Variants in SEPTIN11 observed in about 807,000 individuals in gnomAD.
SEPTIN11 encodes the protein septin 11, also known as septin-11.
A neutral mutation model predicts 51.4 loss-of-function variants in SEPTIN11; 25 were observed. The ratio of observed to expected loss-of-function variants is 0.49; its 90% CI spans 0.35 to 0.68. SEPTIN11 has a LOEUF of 0.68. Among genes scored for constraint, SEPTIN11 ranks in the 30% least tolerant of loss-of-function variants. The probability of loss-of-function intolerance (pLI) is 0.00; values close to 1 mark genes in which losing one functional copy is unlikely to be tolerated. For synonymous variants in SEPTIN11, 174 were observed against 184.1 expected (o/e 0.95, Z 0.44); for missense variants, 381 against 520.8 (o/e 0.73, Z 2.61).
chr4:77,019,504 G>A (rs1578193498), intron 6 of SEPTIN11, among the ~76,000 whole-genome samples: 1 of 152,202 alleles, frequency 6.6e-6, no homozygotes, highest in African/African-American at 2.4e-5. Flanking sequence ...ATGCTGGGTT[G>A]TGTAGGGAAT....
chr4:77,017,744 A>C (rs780357486), intron 5 of SEPTIN11, among the ~76,000 whole-genome samples: 1 of 152,264 alleles, frequency 6.6e-6, no homozygotes, highest in Non-Finnish European at 1.5e-5. Context: ...ACTCTAAATA[A>C]TAATTCTTGG....
chr4:77,004,954 C>T (rs1382510483), intron 2 of SEPTIN11, among the ~76,000 whole-genome samples: 2 of 152,212 alleles, frequency 1.3e-5, no homozygotes, highest in East Asian at 3.9e-4. Context: ...CAGAGCGAGA[C>T]TCTGTCTCAA....
rs138185628 is a variant in SEPTIN11 at position 77,014,538 on chromosome 4, G to T, written c.526-318G>T. On this transcript the variant is annotated intron_variant, in intron 4 of 9. Transcript: ENST00000264893. The stretch of plus-strand genomic sequence containing the variant: ...GGTAGCATAGGAGAGGAAATTACAA[G>T]TATACTTTCAGTGCAGGATGGGAGG... 2.4e-3 allele frequency among the ~76,000 whole-genome samples: 358 copies of T among 152,196 alleles called. 1 individual carries two copies. The highest frequency in any genetic ancestry group is 8.2e-3 in the African/African-American group (341 of 41,526).
At chr4:77,020,866 A>G (rs1725670026) in intron 7 of SEPTIN11, 196 bp downstream of exon 7, 2 of 564,510 alleles carry the variant, frequency 3.5e-6, no homozygotes, top group African/African-American at 1.9e-5. Context: ...AGTTGATGTC[A>G]TTATTATCCA....
chr4:77,019,655 C>A (rs549793672), intron 6 of SEPTIN11, among the ~76,000 whole-genome samples: 53 of 152,334 alleles, frequency 3.5e-4, no homozygotes, highest in Admixed American at 9.1e-4. Context: ...AAAATGTCTT[C>A]TAATAAAATG....
intron 3 of SEPTIN11, among the ~76,000 whole-genome samples, chr4:77,009,474 T>C (rs1043644918): frequency 3.9e-5 from 6 of 152,300 alleles, no homozygotes; most frequent in Admixed American, 3.9e-4. Context: ...TATGATTTTC[T>C]AGAGGGAATA....
rs1431628133 is a variant in SEPTIN11 at position 76,968,166 on chromosome 4, C to T, written c.27+18236C>T. 4.6e-5 allele frequency among the ~76,000 whole-genome samples: 7 copies of T among 152,150 alleles called. No homozygotes were observed. The East Asian group carries it at 7.7e-4, about 17-fold the overall frequency. ...TAGGCCATGAAATTATTTATGAATTCGGCAGTGGGACGATATAAAATGCAA... is the reference window on the plus strand; with the variant it reads ...TAGGCCATGAAATTATTTATGAATTTGGCAGTGGGACGATATAAAATGCAA... On this transcript the variant is annotated intron_variant, in intron 1 of 9. Coordinates refer to ENST00000264893, the MANE Select transcript of SEPTIN11 (RefSeq NM_018243.4).
chr4:77,011,399 C>T (rs775606491), intron 3 of SEPTIN11, among the ~76,000 whole-genome samples: 7 of 152,000 alleles, frequency 4.6e-5, no homozygotes, highest in African/African-American at 1.4e-4. Context: ...GTCAGCTCCA[C>T]GTATGTACAG....
At chr4:76,959,448 G>A (rs578000471) in intron 1 of SEPTIN11, among the ~76,000 whole-genome samples, 1 of 151,810 alleles carries the variant, frequency 6.6e-6, no homozygotes, top group Non-Finnish European at 1.5e-5. Context: ...AAAAAAATTT[G>A]TATCGCATCA....
intron 1 of SEPTIN11, among the ~76,000 whole-genome samples, chr4:76,991,219 A>G (rs1312682812): frequency 6.6e-6 from 1 of 152,214 alleles, no homozygotes; most frequent in Admixed American, 6.5e-5. Context: ...AGGCACTCTC[A>G]TCCATACCTC....
chr4:77,009,133 A>G lies in SEPTIN11; in HGVS notation c.339-2602A>G, dbSNP rs1043444008. ...GTTGTCCAGGAATACATTTCTTTTT[A>G]TTGGTTAATAATGGTATGGAAGGTA... On this transcript the variant is annotated intron_variant, in intron 3 of 9. Coordinates refer to ENST00000264893, the MANE Select transcript of SEPTIN11 (RefSeq NM_018243.4). 3.3e-5 allele frequency among the ~76,000 whole-genome samples: 5 copies of G among 152,296 alleles called. No individual in the cohort carries two copies. In the South Asian group the frequency reaches 1.0e-3, roughly 32 times the overall value.
At chr4:76,967,354 A>G (rs1398602087) in intron 1 of SEPTIN11, among the ~76,000 whole-genome samples, 1 of 152,228 alleles carries the variant, frequency 6.6e-6, no homozygotes, top group Admixed American at 6.5e-5. Context: ...TGGCATGGTA[A>G]GATGATAGTA....
Position 77,037,837 on chromosome 4 carries a change from G to A in SEPTIN11, c.*3325G>A, listed in dbSNP as rs551057894. ...TCCAAAAAGGGCATTTCAACAATGG[G>A]AATTATTTAATGTAACAGTGGGCAC... is the stretch of plus-strand genomic sequence containing the variant. On this transcript the variant is annotated 3_prime_UTR_variant, in exon 10 of 10. Coordinates refer to ENST00000264893, the MANE Select transcript of SEPTIN11 (RefSeq NM_018243.4). The A allele has an allele frequency of 1.0e-6, 1 of 985,802 alleles. No individual in the cohort carries two copies. Among genetic ancestry groups the A allele is most frequent in the Non-Finnish European group, 1.2e-6 (1 of 829,924 alleles). 61.1% of individuals were successfully genotyped at this position (985,802 alleles called of 1,614,324 possible).
chr4:76,996,172 A>T (rs899581741), intron 1 of SEPTIN11, among the ~76,000 whole-genome samples: 3 of 152,152 alleles, frequency 2.0e-5, no homozygotes, highest in Admixed American at 1.3e-4. Flanking sequence ...ATTTCCCTGG[A>T]CCAGTACACT....
chr4:76,950,772 G>T (rs931131044), intron 1 of SEPTIN11, among the ~76,000 whole-genome samples: 13 of 152,286 alleles, frequency 8.5e-5, no homozygotes, highest in African/African-American at 3.1e-4. Flanking sequence ...AGGGGAGCGG[G>T]ACTCCGAGGG....
chr4:77,040,117 C>A (rs1450894755), downstream of SEPTIN11: 1 of 152,158 alleles, frequency 6.6e-6, no homozygotes, highest in African/African-American at 2.4e-5. Flanking sequence ...TTTTCTGCCT[C>A]TGGGGTTCAA....
downstream of SEPTIN11, chr4:77,039,850 G>C (rs186421600): frequency 4.9e-6 from 3 of 607,678 alleles, no homozygotes; most frequent in African/African-American, 6.0e-5. Flanking sequence ...CCTTATATAA[G>C]TTGTTTTGGA....
chr4:76,974,164 T>G (rs995288023), intron 1 of SEPTIN11, among the ~76,000 whole-genome samples: 1 of 152,190 alleles, frequency 6.6e-6, no homozygotes, highest in African/African-American at 2.4e-5. Flanking sequence ...CTCATATTGG[T>G]GGTGTTCATA....
chr4:77,016,029 A>G lies in SEPTIN11; in HGVS notation c.687+1012A>G, dbSNP rs578237628. On this transcript the variant is annotated intron_variant, in intron 5 of 9. Coordinates refer to ENST00000264893, the MANE Select transcript of SEPTIN11 (RefSeq NM_018243.4). ...ACAGACCCTGTTTCAGTCCACTTGGAAGAGATACTGTAGCAGGAATTCTTA... is the reference window on the plus strand; with the variant it reads ...ACAGACCCTGTTTCAGTCCACTTGGGAGAGATACTGTAGCAGGAATTCTTA... Among the ~76,000 whole-genome samples, 66 of 152,182 alleles carry G rather than the reference A, an allele frequency of 4.3e-4. 1 individual carries two copies. Among genetic ancestry groups the G allele is most frequent in the Non-Finnish European group, 8.4e-4 (57 of 68,022 alleles).
Sources: gnomAD v4.1 joint callset for allele counts (sites outside exome capture counted in the v4.1 genomes callset) on GRCh38, gnomAD v4.1.1 for gene constraint, MANE v1.5 for transcripts, NCBI Gene and HGNC (gene_info 2026-07-23, HGNC 2026-07-21) for gene names.